TIAM1: variants seen among roughly 807,000 people sequenced by gnomAD.
TIAM1 encodes TIAM Rac1 associated GEF 1.
A neutral mutation model predicts 163.5 loss-of-function variants in TIAM1; 65 were observed. That is an observed-to-expected ratio of 0.40 (90% CI 0.33 to 0.49). The LOEUF (loss-of-function observed/expected upper bound fraction) is 0.49. Ranked by LOEUF, TIAM1 falls within the 20% of genes least tolerant of loss-of-function variation. The pLI is 0.77. For synonymous variants in TIAM1, 833 were observed against 810.1 expected (o/e 1.03, Z -0.48); for missense variants, 1,789 against 2,044.7 (o/e 0.87, Z 2.41).
chr21:31,399,355 A>G (rs1405073704), intron 2 of TIAM1, among the ~76,000 whole-genome samples: 2 of 152,136 alleles, frequency 1.3e-5, no homozygotes, highest in Non-Finnish European at 2.9e-5. Context: ...TTTAAGATAT[A>G]TTACAATCTA....
At chr21:31,485,318 T>C (rs776901455) in intron 1 of TIAM1, among the ~76,000 whole-genome samples, 1 of 152,010 alleles carries the variant, frequency 6.6e-6, no homozygotes, top group Non-Finnish European at 1.5e-5. Flanking sequence ...GCTATTCTCA[T>C]CCTCACATCT....
Position 31,420,502 on chromosome 21 carries a change from G to T in TIAM1, c.-369+43481C>A, listed in dbSNP as rs146516460. Among the ~76,000 whole-genome samples the T allele has an allele frequency of 3.9e-4, 60 of 152,300 alleles. No homozygotes were observed. In the East Asian group the frequency reaches 0.011, roughly 27 times the overall value. The stretch of plus-strand genomic sequence containing the variant: ...CCCAGACCCTAAAGAGTCTAAAGGT[G>T]AGTACATGCAATAAAGCCTCGAAGC... On this transcript the variant is annotated intron_variant, in intron 2 of 28. Transcript: ENST00000286827.
Position 31,120,221 on chromosome 21 carries a change from C to T in TIAM1, c.*147G>A, listed in dbSNP as rs1601145170. ...TGTTGAAAATGACAAAGTTGGGTGGCTACATGGCTTCAGAACCAAGTCAGC... is the reference window on the plus strand; with the variant it reads ...TGTTGAAAATGACAAAGTTGGGTGGTTACATGGCTTCAGAACCAAGTCAGC... On this transcript the variant is annotated 3_prime_UTR_variant, in exon 28 of 28. Coordinates refer to ENST00000541036, the MANE Select transcript of TIAM1 (RefSeq NM_001353694.2). This position sits in a 1 kb window ranked among gnomAD's most constrained non-coding sequence, Gnocchi z 4.2. 1.5e-5 allele frequency: 11 copies of T among 720,324 alleles called. No individual in the cohort carries two copies. In the Middle Eastern group the frequency reaches 2.8e-3, roughly 185 times the overall value. The allele number at this position is 720,324 out of a possible 1,614,324, so 44.6% of individuals were successfully genotyped here.
chr21:31,306,043 C>A (rs1242248378), intron 2 of TIAM1, among the ~76,000 whole-genome samples: 2 of 152,022 alleles, frequency 1.3e-5, no homozygotes, highest in Non-Finnish European at 2.9e-5. Flanking sequence ...GGGGTGCCTG[C>A]AGGCCAAATC....
chr21:31,403,292 C>G (rs1003093186), intron 2 of TIAM1, among the ~76,000 whole-genome samples: 3 of 152,018 alleles, frequency 2.0e-5, no homozygotes, highest in Non-Finnish European at 4.4e-5. Flanking sequence ...GGACTACAGA[C>G]GCGTGCCACC....
intron 3 of TIAM1, among the ~76,000 whole-genome samples, chr21:31,275,631 T>C (rs908316556): frequency 6.6e-6 from 1 of 152,214 alleles, no homozygotes; most frequent in Non-Finnish European, 1.5e-5. Context: ...AAAATCTCAA[T>C]GGCAGAAACC....
At chr21:31,269,603 C>G (rs1013251422) in intron 3 of TIAM1, among the ~76,000 whole-genome samples, 1 of 151,856 alleles carries the variant, frequency 6.6e-6, no homozygotes, top group Non-Finnish European at 1.5e-5. Flanking sequence ...GAGACACAAT[C>G]TCCACTTCAG....
At position 31,217,499 on chromosome 21, in the gene TIAM1, G is replaced by A. The variant is rs2087286054; in HGVS notation, c.2142+54C>T. ...AGAAACACACACACCCCAAATTGAGGTGGCCACAGAAGTGATTTGTGCGGG... is the reference window on the plus strand; with the variant it reads ...AGAAACACACACACCCCAAATTGAGATGGCCACAGAAGTGATTTGTGCGGG... On this transcript the variant is annotated intron_variant, in intron 9 of 27. Transcript: ENST00000541036. 103 of 1,575,536 alleles carry A rather than the reference G, an allele frequency of 6.5e-5. No individual in the cohort carries two copies. In the South Asian group the frequency reaches 1.0e-3, roughly 16 times the overall value.
chr21:31,438,438 C>CA, intron 2 of TIAM1, among the ~76,000 whole-genome samples: 1 of 152,060 alleles, frequency 6.6e-6, no homozygotes, highest in Admixed American at 6.6e-5. Flanking sequence ...GTGACCCACC[C>CA]ACCTCAGTCT....
chr21:31,248,607 GA>G (rs201398044), intron 5 of TIAM1, among the ~76,000 whole-genome samples: 2 of 151,786 alleles, frequency 1.3e-5, no homozygotes, highest in Non-Finnish European at 2.9e-5. Flanking sequence ...AATCTTTAGG[GA>G]AAAAAAATCT....
intron 6 of TIAM1, among the ~76,000 whole-genome samples, chr21:31,239,086 C>A (rs909938515): frequency 6.6e-6 from 1 of 152,002 alleles, no homozygotes; most frequent in Non-Finnish European, 1.5e-5. Flanking sequence ...TGCAAGATTT[C>A]CAATTAACAA....
At chr21:31,473,429 CAAAAAAAAAAAAAAAA>C (rs56691495) in intron 1 of TIAM1, among the ~76,000 whole-genome samples, 96 of 75,722 alleles carry the variant, frequency 1.3e-3, no homozygotes, top group East Asian at 0.01. Flanking sequence ...GACTCCATCT[CAAAAAAAAAAAAAAAA>C]AAAAAAAAAA....
At chr21:31,450,647 G>A (rs1046949556) in intron 2 of TIAM1, among the ~76,000 whole-genome samples, 1 of 152,162 alleles carries the variant, frequency 6.6e-6, no homozygotes, top group Admixed American at 6.5e-5. Context: ...ACCCGAGACT[G>A]AGTAATTTAT....
At chr21:31,134,476 CTATT>C (rs1367841944) in intron 23 of TIAM1, among the ~76,000 whole-genome samples, 1 of 152,232 alleles carries the variant, frequency 6.6e-6, no homozygotes, top group Non-Finnish European at 1.5e-5. Flanking sequence ...TTTGAATGGC[CTATT>C]TAGTCACATG....
chr21:31,392,298 C>T (rs971686850), intron 2 of TIAM1, among the ~76,000 whole-genome samples: 3 of 152,162 alleles, frequency 2.0e-5, no homozygotes, highest in African/African-American at 7.2e-5. Flanking sequence ...AGGCTGGGCG[C>T]GGTGGCTCAC....
intron 1 of TIAM1, among the ~76,000 whole-genome samples, chr21:31,543,768 A>G (rs1048458967): frequency 6.6e-6 from 1 of 152,228 alleles, no homozygotes; most frequent in African/African-American, 2.4e-5. Context: ...CTGTCAGACA[A>G]GATTGAAAAA....
At chr21:31,344,075 C>G (rs1451136630) in intron 1 of TIAM1, 63 bp downstream of exon 1, 1 of 152,266 alleles carries the variant, frequency 6.6e-6, no homozygotes, top group Admixed American at 6.5e-5. Context: ...GGCTGCCTCC[C>G]CTGACCACCC....
intron 1 of TIAM1, among the ~76,000 whole-genome samples, chr21:31,548,490 GT>G (rs760538797): frequency 6.8e-4 from 88 of 128,674 alleles, no homozygotes; most frequent in South Asian, 3.7e-3. Flanking sequence ...TTTTGTTGTT[GT>G]TTTTTTTTTT....
chr21:31,289,450 A>G (rs1379866410), intron 2 of TIAM1, among the ~76,000 whole-genome samples: 1 of 152,102 alleles, frequency 6.6e-6, no homozygotes, highest in Non-Finnish European at 1.5e-5. Flanking sequence ...CCACCATGAG[A>G]TTTTTCTCTA....
Sources: allele counts gnomAD v4.1 joint callset (sites outside exome capture counted in the v4.1 genomes callset), GRCh38; gene constraint gnomAD v4.1.1; non-coding constraint Gnocchi (gnomAD v3.1); transcripts MANE v1.5; gene names NCBI Gene and HGNC (gene_info 2026-07-23, HGNC 2026-07-21).